Variants in FAM193B observed in about 807,000 individuals in gnomAD.
The protein encoded by FAM193B is family with sequence similarity 193 member B.
In FAM193B, 27 loss-of-function variants were observed where a neutral mutation model predicts 70.7. That is an observed-to-expected ratio of 0.38 (90% CI 0.28 to 0.53). The LOEUF is 0.53. Among genes scored for constraint, FAM193B ranks in the 20% least tolerant of loss-of-function variants. FAM193B has a pLI of 0.81. For missense variants in FAM193B, 1,022 were observed against 1,072.5 expected, an observed-to-expected ratio of 0.95 and a Z score of 0.66; for synonymous variants, 448 against 436.0, an observed-to-expected ratio of 1.03 and a Z score of -0.34.
Position 177,537,862 on chromosome 5 carries a change from T to C in FAM193B, c.688+11A>G. On this transcript the variant is annotated intron_variant, in intron 3 of 8. Coordinates refer to ENST00000514747, the MANE Select transcript of FAM193B (RefSeq NM_001190946.3). The stretch of plus-strand genomic sequence containing the variant: ...ATAGGGCCTGGCTCTCTCCCGAGCC[T>C]GGAGACTCACCGGGGATGGTAGGAG... 1 of 1,604,100 alleles carries C rather than the reference T, an allele frequency of 6.2e-7. No individual in the cohort carries two copies. The highest frequency in any genetic ancestry group is 1.1e-5 in the South Asian group (1 of 89,720).
chr5:177,535,590 C>A (rs1159295588), intron 4 of FAM193B, among the ~76,000 whole-genome samples: 1 of 152,128 alleles, frequency 6.6e-6, no homozygotes, highest in Non-Finnish European at 1.5e-5. Flanking sequence ...CAGTCTCATT[C>A]ATTATGGTTA....
At chr5:177,521,750 A>G (rs570853523) in intron 8 of FAM193B, among the ~76,000 whole-genome samples, 14 of 152,228 alleles carry the variant, frequency 9.2e-5, no homozygotes, top group African/African-American at 3.1e-4. Context: ...AGGGAGGAGT[A>G]ATAGAACAGA....
intron 7 of FAM193B, chr5:177,522,964 T>C (rs1761994957): frequency 6.3e-6 from 1 of 158,600 alleles, no homozygotes; most frequent in African/African-American, 2.4e-5. Context: ...CCTCAAGTGA[T>C]CCGCCTGCCT....
At chr5:177,544,481 A>G (rs1765190937) in intron 1 of FAM193B, among the ~76,000 whole-genome samples, 1 of 152,246 alleles carries the variant, frequency 6.6e-6, no homozygotes, top group African/African-American at 2.4e-5. Flanking sequence ...CATTTTCTCA[A>G]AAAAATGAAC....
intron 5 of FAM193B, among the ~76,000 whole-genome samples, chr5:177,526,786 A>T (rs1191133762): frequency 6.6e-6 from 1 of 152,174 alleles, no homozygotes; most frequent in Non-Finnish European, 1.5e-5. Context: ...AGGACAATAC[A>T]CCCAGGCCTG....
At chr5:177,525,588 C>T (rs191746981) in intron 5 of FAM193B, 3 of 175,594 alleles carry the variant, frequency 1.7e-5, no homozygotes, top group East Asian at 3.0e-4. Context: ...CATGCCATCA[C>T]GGGGTCTTAC....
chr5:177,525,298 C>T, intron 5 of FAM193B, 93 bp from the exon 6 acceptor site: 1 of 1,262,780 alleles, frequency 7.9e-7, no homozygotes, highest in Non-Finnish European at 1.0e-6. Context: ...AGCTTTGCCA[C>T]TAACTTGCTG....
At chr5:177,543,313 C>T (rs1330273651) in intron 1 of FAM193B, among the ~76,000 whole-genome samples, 1 of 152,184 alleles carries the variant, frequency 6.6e-6, no homozygotes, top group Non-Finnish European at 1.5e-5. Context: ...ACCCATGCTG[C>T]ATAAAGCTGC....
intron 7 of FAM193B, among the ~76,000 whole-genome samples, chr5:177,522,738 A>T (rs1011191693): frequency 6.6e-6 from 1 of 152,234 alleles, no homozygotes; most frequent in Non-Finnish European, 1.5e-5. Flanking sequence ...TATTTGAGAC[A>T]GAGTCTTACT....
At chr5:177,545,886 T>C (rs1400993805) in intron 1 of FAM193B, among the ~76,000 whole-genome samples, 1 of 152,124 alleles carries the variant, frequency 6.6e-6, no homozygotes, top group Admixed American at 6.6e-5. Context: ...CCAAGACACA[T>C]GCTGTATCTA....
In FAM193B at chr5:177,537,927, G is replaced by A. The variant is rs1162204328; in HGVS notation, c.634C>T (p.His212Tyr). Residue 212 changes from histidine (H) to tyrosine (Y), a missense_variant, in exon 3 of 9, where the codon CAT (histidine) becomes TAT (tyrosine). His to Tyr is a moderately conservative substitution (Grantham distance 83). Coordinates refer to ENST00000514747, the MANE Select transcript of FAM193B (RefSeq NM_001190946.3). ...HKLSGLWNSP[H>Y]SSGAMPGSSL... ...CTGCCTGGCATGGCCCCACTGGAAT[G>A]TGGGGAATTCCAGAGGCCCGAGAGC... The A allele has an allele frequency of 6.3e-7, 1 of 1,596,796 alleles. No homozygotes were observed. The highest frequency in any genetic ancestry group is 1.1e-5 in the South Asian group (1 of 87,724).
At chr5:177,523,672 A>T (rs918854276) in intron 7 of FAM193B, among the ~76,000 whole-genome samples, 1 of 152,274 alleles carries the variant, frequency 6.6e-6, no homozygotes, top group Admixed American at 6.5e-5. Flanking sequence ...AGAATGTGCA[A>T]GTGAAGACAC....
intron 7 of FAM193B, 97 bp downstream of exon 7, chr5:177,523,860 A>T (rs971770284): frequency 1.5e-6 from 2 of 1,368,170 alleles, no homozygotes; most frequent in Non-Finnish European, 2.1e-6. Flanking sequence ...GGGCCAAGGG[A>T]GCAGGCCTTT....
chr5:177,526,182 G>T (rs180997798), intron 5 of FAM193B, among the ~76,000 whole-genome samples: 1 of 152,334 alleles, frequency 6.6e-6, no homozygotes, highest in East Asian at 1.9e-4. Flanking sequence ...CTTATCTTTT[G>T]TGAACCCTGG....
chr5:177,533,424 C>T (rs2127465641), intron 4 of FAM193B, among the ~76,000 whole-genome samples: 2 of 152,090 alleles, frequency 1.3e-5, no homozygotes, highest in African/African-American at 4.8e-5. Flanking sequence ...CCTGCCTCAG[C>T]CTCCCGAGTA....
chr5:177,554,002 C>G, intron 1 of FAM193B: 1 of 1,290,532 alleles, frequency 7.7e-7, no homozygotes, highest in Non-Finnish European at 9.9e-7. Flanking sequence ...CCGGAACGCC[C>G]GGAGGCGGCG....
intron 1 of FAM193B, 128 bp downstream of exon 1, chr5:177,554,121 C>T: frequency 4.3e-6 from 6 of 1,406,512 alleles, no homozygotes; most frequent in Non-Finnish European, 5.6e-6. Flanking sequence ...GCTTCGGCGC[C>T]GGACCCGGGG....
intron 1 of FAM193B, chr5:177,553,580 G>A (rs1018603818): frequency 3.8e-5 from 44 of 1,169,366 alleles, no homozygotes; most frequent in Non-Finnish European, 4.7e-5. Context: ...CCTACTGTTC[G>A]CTCTCAGCAG....
At chr5:177,535,282 A>G (rs1764038980) in intron 4 of FAM193B, among the ~76,000 whole-genome samples, 1 of 152,274 alleles carries the variant, frequency 6.6e-6, no homozygotes, top group African/African-American at 2.4e-5. Flanking sequence ...GAACACCACA[A>G]GAGAACACAA....
Sources: gnomAD v4.1 joint callset for allele counts (sites outside exome capture counted in the v4.1 genomes callset) on GRCh38, gnomAD v4.1.1 for gene constraint, MANE v1.5 for transcripts, NCBI Gene and HGNC (gene_info 2026-07-23, HGNC 2026-07-21) for gene names.